The following ERI2 variants were observed in gnomAD, a reference collection of about 807,000 sequenced individuals.
The protein encoded by ERI2 is ERI1 exoribonuclease family member 2.
In ERI2, 35 loss-of-function variants were observed where a neutral mutation model predicts 46.8. The observed-to-expected ratio is 0.75, with a 90% CI of 0.57 to 0.99. The LOEUF (loss-of-function observed/expected upper bound fraction) is 0.99, where lower values mean the gene tolerates loss of function less well. Among genes scored for constraint, ERI2 ranks in the 50% least tolerant of loss-of-function variants. The pLI, the probability that ERI2 is intolerant of heterozygous loss-of-function variation, is 0.00. For missense variants in ERI2, 695 were observed against 796.2 expected, an observed-to-expected ratio of 0.87 and a Z score of 1.53; for synonymous variants, 224 against 271.0, an observed-to-expected ratio of 0.83 and a Z score of 1.70.
chr16:20,797,740 G>A lies in ERI2; in HGVS notation c.2060C>T (p.Pro687Leu). Reference protein sequence around the residue: ...ISTKNSLRLRPSMRN With the variant: ...ISTKNSLRLRLSMRN ...GAAAGGTTATCAATTCCTCATTGAA[G>A]GCCTGAGTCTCAAAGAATTTTTGGT... The change falls in exon 9 of 9, where the codon CCT becomes CTT. Residue 687 changes from proline to leucine, a missense_variant. Pro to Leu is a moderately conservative substitution (Grantham distance 98). Transcript: ENST00000357967. The A allele has an allele frequency of 6.5e-7, 1 of 1,546,220 alleles. No individual in the cohort carries two copies. Among genetic ancestry groups the A allele is most frequent in the East Asian group, 2.4e-5 (1 of 40,878 alleles).
At chr16:20,791,706 C>G (rs1488471400), downstream of ERI2, among the ~76,000 whole-genome samples, 1 of 152,164 alleles carries the variant, frequency 6.6e-6, no homozygotes, top group Non-Finnish European at 1.5e-5. Flanking sequence ...GTGGGCGGAT[C>G]ACTTGAGGTA....
downstream of ERI2, among the ~76,000 whole-genome samples, chr16:20,795,807 G>C (rs1008960420): frequency 5.3e-5 from 8 of 152,230 alleles, no homozygotes; most frequent in Non-Finnish European, 1.0e-4. Flanking sequence ...TTTAAAGGGG[G>C]CTATGAGGGA....
Position 20,797,861 on chromosome 16 carries a change from T to C in ERI2, c.1939A>G (p.Arg647Gly), listed in dbSNP as rs61740627. ...FKWEQTLQKE[R>G]ANSMVPSHST... ...TGAGATGGAACCATGCTGTTGGCTC[T>C]TTCCTTTTGAAGTGTTTGTTCCCAT... Residue 647 changes from arginine (R) to glycine (G), a missense_variant, in exon 9 of 9, where the codon AGA becomes GGA. Arg to Gly is a moderately radical substitution (Grantham distance 125, BLOSUM62 -2). Coordinates refer to ENST00000357967, the MANE Select transcript of ERI2 (RefSeq NM_001142725.2). 589 of 1,551,632 alleles carry C rather than the reference T, an allele frequency of 3.8e-4. No individual in the cohort carries two copies. The African/African-American group carries it at 7.6e-3, about 20-fold the overall frequency.
Position 20,800,065 on chromosome 16 carries a change from AAAG to A in ERI2, c.562-30_562-28del, listed in dbSNP as rs377145173. ...TAACCAATAAAAAAAGATATATTTAAAAGAAGATTACTATTTTAAAGACTATGT... is the reference window on the plus strand; with the variant it reads ...TAACCAATAAAAAAAGATATATTTAAAAGATTACTATTTTAAAGACTATGT... On this transcript the variant is annotated intron_variant, in intron 6 of 8. Transcript: ENST00000357967. 2.2e-6 allele frequency: 3 copies of A among 1,374,084 alleles called. No individual in the cohort carries two copies. In the African/African-American group the frequency reaches 4.4e-5, roughly 20 times the overall value. The allele number at this position is 1,374,084 out of a possible 1,614,324, so 85.1% of individuals were successfully genotyped here. A position where few individuals can be genotyped will look rare whatever the true frequency, so the allele number is the denominator to read the frequency against.
intron 7 of ERI2, chr16:20,799,636 T>G (rs1318346061): frequency 8.3e-6 from 4 of 479,756 alleles, no homozygotes; most frequent in Non-Finnish European, 1.5e-5. Context: ...GAACCAGGAT[T>G]TGTGAATAAT....
intron 7 of ERI2, chr16:20,799,595 A>C: frequency 4.0e-6 from 2 of 500,932 alleles, no homozygotes; most frequent in Non-Finnish European, 3.5e-6. Context: ...TGTATTAGAC[A>C]GTTCCCCAAA....
chr16:20,786,060 TTTC>T lies in ERI2; in HGVS notation c.894+3416_894+3418del, dbSNP rs750587830. 1.3e-5 allele frequency: 20 copies of T among 1,483,412 alleles called. No homozygotes were observed. In the Admixed American group the frequency reaches 3.1e-4, roughly 23 times the overall value. The allele number at this position is 1,483,412 out of a possible 1,614,324, so 91.9% of individuals were successfully genotyped here. Reference sequence around the variant, plus strand: ...AGTGACTTGTAATGTTATCTTACTTTTTCTTCTTCTTAACTAGGTGCTAATCTG... The same window carrying T: ...AGTGACTTGTAATGTTATCTTACTTTTTCTTCTTAACTAGGTGCTAATCTG... On this transcript the variant is annotated intron_variant, in intron 10 of 10. Coordinates refer to the ERI2 transcript ENST00000300005.
chr16:20,804,605 G>C (rs2080832599), intron 1 of ERI2, among the ~76,000 whole-genome samples: 1 of 152,110 alleles, frequency 6.6e-6, no homozygotes, highest in African/African-American at 2.4e-5. Flanking sequence ...GGTGGAGACT[G>C]CAGTGAGCCG....
chr16:20,806,037 G>A (rs1015433610), intron 1 of ERI2: 22 of 1,188,414 alleles, frequency 1.9e-5, no homozygotes, highest in Non-Finnish European at 2.3e-5. Context: ...ATTTCGAACA[G>A]GTTGAACACC....
At position 20,798,495 on chromosome 16, in the gene ERI2, CTCTAAG is replaced by C. The variant is rs923081380; in HGVS notation, c.1299_1304del (p.Asp433_Leu434del). On this transcript the variant is annotated inframe_deletion, in exon 9 of 9. Transcript: ENST00000357967. The stretch of plus-strand genomic sequence containing the variant: ...ATCTTTCTCCAGAATTAAATGAAAT[CTCTAAG>C]TCTGAGTCACTAATGGGAACTGTAC... The C allele has an allele frequency of 5.2e-6, 8 of 1,551,536 alleles. No homozygotes were observed. The highest frequency in any genetic ancestry group is 7.0e-6 in the Non-Finnish European group (8 of 1,146,886).
At chr16:20,781,780 A>G (rs781750943) in intron 10 of ERI2, 5 of 1,605,850 alleles carry the variant, frequency 3.1e-6, no homozygotes, top group Non-Finnish European at 4.3e-6. Flanking sequence ...ACAGAATGAT[A>G]TAACCAGGTA....
intron 10 of ERI2, chr16:20,781,588 A>T: frequency 1.3e-6 from 1 of 795,728 alleles, no homozygotes; most frequent in Non-Finnish European, 2.1e-6. Context: ...CTACAAGAAA[A>T]GGTAAGAATG....
At chr16:20,789,586 A>G (rs767791701) in intron 9 of ERI2, 1 of 1,493,192 alleles carries the variant, frequency 6.7e-7, no homozygotes, top group East Asian at 2.3e-5. Flanking sequence ...CCAGTAATGA[A>G]GATATTTATT....
chr16:20,801,381 C>T (rs772120882), intron 4 of ERI2, 22 bp from the exon 5 acceptor site: 2 of 1,556,432 alleles, frequency 1.3e-6, no homozygotes, highest in Non-Finnish European at 1.7e-6. Context: ...GTCACAAAAG[C>T]TGAATTCAAC....
At position 20,790,922 on chromosome 16, in the gene ERI2, A is replaced by G; in HGVS notation, c.743T>C (p.Leu248Pro). Reference sequence around the variant, plus strand: ...ACTGTTCCAGGTCCACGAAGGCAAGAGGAAGGGACCCTAGAAAGAGGACAG... The same window carrying G: ...ACTGTTCCAGGTCCACGAAGGCAAGGGGAAGGGACCCTAGAAAGAGGACAG... The change falls in exon 9 of 11, where the codon CTC (leucine) becomes CCC (proline). Residue 248 changes from leucine to proline, a missense_variant. Transcript: ENST00000300005. This position sits in a 1 kb window ranked among gnomAD's most constrained non-coding sequence, Gnocchi z 4.0. 6.2e-7 allele frequency: 1 copy of G among 1,614,012 alleles called. No individual in the cohort carries two copies. Among genetic ancestry groups the G allele is most frequent in the Middle Eastern group, 1.7e-4 (1 of 6,060 alleles).
chr16:20,799,446 T>C, intron 7 of ERI2, 95 bp from the exon 8 acceptor site: 2 of 1,201,640 alleles, frequency 1.7e-6, no homozygotes, highest in Non-Finnish European at 2.3e-6. Flanking sequence ...ACCACTTGTG[T>C]AGAAATTGGA....
intron 7 of ERI2, 52 bp downstream of exon 7, chr16:20,799,905 G>T: frequency 2.8e-6 from 3 of 1,056,146 alleles, no homozygotes; most frequent in South Asian, 1.4e-5. Flanking sequence ...AAATTCATAT[G>T]AAGTATTTTT....
At chr16:20,794,725 A>C (rs191641759), downstream of ERI2, among the ~76,000 whole-genome samples, 12 of 152,328 alleles carry the variant, frequency 7.9e-5, no homozygotes, top group Admixed American at 2.6e-4. Flanking sequence ...TTATACATCT[A>C]TGCTAATTCA....
chr16:20,785,871 GATAT>G (rs1237742753), intron 10 of ERI2, among the ~76,000 whole-genome samples: 1 of 152,078 alleles, frequency 6.6e-6, no homozygotes, highest in East Asian at 1.9e-4. Context: ...GATAAATATG[GATAT>G]ATGAGTAATT....
Sources: gnomAD v4.1 joint callset for allele counts (sites outside exome capture counted in the v4.1 genomes callset) on GRCh38, gnomAD v4.1.1 for gene constraint, Gnocchi (gnomAD v3.1) non-coding constraint, MANE v1.5 for transcripts, NCBI Gene and HGNC (gene_info 2026-07-23, HGNC 2026-07-21) for gene names.